The following ZNF536 variants were observed in gnomAD, a reference collection of about 807,000 sequenced individuals.
ZNF536 encodes zinc finger protein 536.
In ZNF536, 13 loss-of-function variants were observed where a neutral mutation model predicts 84.5. The ratio of observed to expected loss-of-function variants is 0.15; its 90% CI spans 0.10 to 0.24. The LOEUF (loss-of-function observed/expected upper bound fraction) is 0.24. ZNF536 is among the 10% of genes least tolerant of loss of function. The probability of loss-of-function intolerance (pLI) is 1.00; values close to 1 mark genes in which losing one functional copy is unlikely to be tolerated. For missense variants in ZNF536, 1,536 were observed against 1,747.5 expected (o/e 0.88, Z 2.16); for synonymous variants, 811 against 742.5 (o/e 1.09, Z -1.50).
intron 1 of ZNF536, among the ~76,000 whole-genome samples, chr19:30,617,525 T>G (rs1016686938): frequency 2.6e-5 from 4 of 151,460 alleles, no homozygotes; most frequent in African/African-American, 9.7e-5. Context: ...TAATTTTTTG[T>G]ATTTTTAGTA....
At chr19:30,281,326 C>T (rs1214254245) in intron 1 of ZNF536, among the ~76,000 whole-genome samples, 1 of 152,232 alleles carries the variant, frequency 6.6e-6, no homozygotes, top group Non-Finnish European at 1.5e-5. Flanking sequence ...TGCAAACCTT[C>T]TCACTCCCCT....
At position 30,389,989 on chromosome 19, in the gene ZNF536, A is replaced by G. The variant is rs73924731; in HGVS notation, c.-3+17433A>G. Among the ~76,000 whole-genome samples, 1,403 of 152,100 alleles carry G rather than the reference A, an allele frequency of 9.2e-3. 23 individuals carry two copies. The highest frequency in any genetic ancestry group is 0.033 in the African/African-American group (1,362 of 41,464). On this transcript the variant is annotated intron_variant, in intron 1 of 4. Transcript: ENST00000355537. ...TTCTCAAATGGCTGCTGGGATCCCA[A>G]CTCCTCCCAGGGATTTCCCTCCTCA...
chr19:30,288,025 G>T (rs1239200017), intron 2 of ZNF536, among the ~76,000 whole-genome samples: 3 of 152,144 alleles, frequency 2.0e-5, no homozygotes, highest in Non-Finnish European at 4.4e-5. Context: ...TTAGTCTAGT[G>T]TTTTAAAATG....
intron 3 of ZNF536, among the ~76,000 whole-genome samples, chr19:30,361,106 T>C (rs1034142912): frequency 6.6e-6 from 1 of 152,250 alleles, no homozygotes; most frequent in Non-Finnish European, 1.5e-5. Flanking sequence ...AGCACTTATA[T>C]AGTCTGTCAT....
At chr19:30,308,603 A>C (rs1311454814) in intron 2 of ZNF536, among the ~76,000 whole-genome samples, 1 of 152,110 alleles carries the variant, frequency 6.6e-6, no homozygotes, top group Non-Finnish European at 1.5e-5. Flanking sequence ...GTTCCATAAA[A>C]ATGGGTTCCT....
At chr19:30,711,176 C>T (rs2052444055) in exon 2 of ZNF536, 2 of 151,582 alleles carry the variant, frequency 1.3e-5, no homozygotes, top group East Asian at 1.9e-4. Flanking sequence ...AAAAAAAATT[C>T]CCCAGCCCTT....
chr19:30,447,358 G>A (rs1696779277), intron 2 of ZNF536, among the ~76,000 whole-genome samples: 1 of 152,118 alleles, frequency 6.6e-6, no homozygotes, highest in Non-Finnish European at 1.5e-5. Context: ...AATAAAGTGG[G>A]ACTCTGCCGG....
intron 2 of ZNF536, among the ~76,000 whole-genome samples, chr19:30,490,651 C>A (rs2145090030): frequency 6.6e-6 from 1 of 152,222 alleles, no homozygotes; most frequent in South Asian, 2.1e-4. Flanking sequence ...AGAAATAAGG[C>A]CCTATTGTTA....
chr19:30,263,041 G>A (rs1324832713), intron 1 of ZNF536, among the ~76,000 whole-genome samples: 1 of 152,126 alleles, frequency 6.6e-6, no homozygotes, highest in Non-Finnish European at 1.5e-5. Context: ...GCGTGGACAG[G>A]CATGAGGGAG....
In ZNF536 at chr19:30,593,675, C is replaced by T. The variant is rs549628556; in HGVS notation, c.169+44161C>T. Among the ~76,000 whole-genome samples, 85 of 152,318 alleles carry T rather than the reference C, an allele frequency of 5.6e-4. 2 individuals are homozygous for T. In the South Asian group the frequency reaches 0.016, roughly 29 times the overall value. ...TTTGCTGTCTTTGTTTCTCCCTCTC[C>T]TCCCTGCCCCTCACCCACCCCCTTG... On this transcript the variant is annotated intron_variant, in intron 1 of 1. Coordinates refer to the ZNF536 transcript ENST00000592773.
Position 30,338,483 on chromosome 19 carries a change from G to GTGATGATGATGA in ZNF536, c.-119-13864_-119-13853dup, listed in dbSNP as rs113886104. On this transcript the variant is annotated intron_variant, in intron 2 of 5. Transcript: ENST00000585628. ...GGTGATGATGATGACAATGATGATA[G>GTGATGATGATGA]TGATGATGATGATGATGATGATGAT... Among the ~76,000 whole-genome samples, 292 of 149,444 alleles carry GTGATGATGATGA rather than the reference G, an allele frequency of 2.0e-3. 2 individuals are homozygous for GTGATGATGATGA. Among genetic ancestry groups the GTGATGATGATGA allele is most frequent in the South Asian group, 5.4e-3 (25 of 4,608 alleles).
intron 2 of ZNF536, among the ~76,000 whole-genome samples, chr19:30,466,500 G>C (rs2053400119): frequency 6.6e-6 from 1 of 151,458 alleles, no homozygotes. Context: ...GGAGGTTGAG[G>C]CTGCAGTGAG....
At chr19:30,282,718 A>G (rs2045493674) in intron 1 of ZNF536, among the ~76,000 whole-genome samples, 1 of 152,120 alleles carries the variant, frequency 6.6e-6, no homozygotes, top group African/African-American at 2.4e-5. Context: ...AGAACTTTGG[A>G]AAGTGTAGCA....
intron 1 of ZNF536, among the ~76,000 whole-genome samples, chr19:30,702,403 A>G (rs750392623): frequency 5.3e-5 from 8 of 152,254 alleles, no homozygotes; most frequent in Non-Finnish European, 1.2e-4. Context: ...CAGTGATGGG[A>G]AATGTTGATG....
rs750553160 is a variant in ZNF536 at position 30,445,712 on chromosome 19, C to G, written c.2150C>G (p.Pro717Arg). The G allele has an allele frequency of 6.4e-7, 1 of 1,568,090 alleles. No individual in the cohort carries two copies. Among genetic ancestry groups the G allele is most frequent in the African/African-American group, 1.4e-5 (1 of 73,854 alleles). ...TGSAQEDSPH[P>R]SSPSSSDIGE... ...AGTGCCCAGGAGGACAGCCCGCACC[C>G]CTCCTCGCCATCCTCCTCAGGTAGG... Residue 717 changes from proline (P) to arginine (R), a missense_variant, in exon 2 of 5, where the codon CCC becomes CGC. By Grantham distance (103) the Pro-to-Arg change is moderately radical. Around this residue, in one of 8 missense-constraint regions of ZNF536, gnomAD observed 148 missense variants for 205.4 expected, o/e 0.72. Transcript: ENST00000355537. This position sits in a 1 kb window ranked among gnomAD's most constrained non-coding sequence, Gnocchi z 4.5.
At chr19:30,483,922 A>G (rs1458546140) in intron 2 of ZNF536, among the ~76,000 whole-genome samples, 2 of 151,612 alleles carry the variant, frequency 1.3e-5, no homozygotes, top group Non-Finnish European at 2.9e-5. Context: ...CCTGTATTCC[A>G]TCATTCCTCT....
At chr19:30,559,165 C>T (rs1234470076), downstream of ZNF536, among the ~76,000 whole-genome samples, 3 of 152,160 alleles carry the variant, frequency 2.0e-5, no homozygotes, top group African/African-American at 7.2e-5. Flanking sequence ...GAGAAAATGT[C>T]GATTGTGAAG....
intron 1 of ZNF536, among the ~76,000 whole-genome samples, chr19:30,241,198 G>A (rs1412956104): frequency 1.3e-5 from 2 of 152,018 alleles, no homozygotes; most frequent in Non-Finnish European, 2.9e-5. Context: ...CATGCTTGTA[G>A]TCCAAGCTCT....
At chr19:30,268,809 GTGCTTC>G (rs1169481342) in intron 1 of ZNF536, among the ~76,000 whole-genome samples, 1 of 152,162 alleles carries the variant, frequency 6.6e-6, no homozygotes, top group African/African-American at 2.4e-5. Flanking sequence ...AGCATGTTCT[GTGCTTC>G]TGCAAGCCGG....
Sources: gnomAD v4.1 joint callset for allele counts (sites outside exome capture counted in the v4.1 genomes callset) on GRCh38, gnomAD v4.1.1 for gene constraint, gnomAD v4.1.1 regional missense constraint, Gnocchi (gnomAD v3.1) non-coding constraint, MANE v1.5 for transcripts, NCBI Gene and HGNC (gene_info 2026-07-23, HGNC 2026-07-21) for gene names.